Variants in XKR9 observed in about 807,000 individuals in gnomAD.
XKR9 encodes XK-related protein 9.
A neutral mutation model predicts 32.0 loss-of-function variants in XKR9; 32 were observed. The ratio of observed to expected loss-of-function variants is 1.00; its 90% CI spans 0.76 to 1.34. The LOEUF is 1.34. XKR9 is among the 40% of genes most tolerant of loss of function. The probability of loss-of-function intolerance (pLI) is 0.00; values close to 1 mark genes in which losing one functional copy is unlikely to be tolerated. For synonymous variants in XKR9, 168 were observed against 143.4 expected (o/e 1.17, Z -1.22); for missense variants, 546 against 429.7 (o/e 1.27, Z -2.39).
chr8:70,756,713 G>T (rs751885874), intron 2 of XKR9, among the ~76,000 whole-genome samples: 1 of 152,132 alleles, frequency 6.6e-6, no homozygotes, highest in Non-Finnish European at 1.5e-5. Context: ...TAATCTTGAA[G>T]TCTTGCTGAA....
chr8:70,936,973 G>C, the XKR9 span, among the ~76,000 whole-genome samples: 2 of 151,938 alleles, frequency 1.3e-5, no homozygotes, highest in African/African-American at 4.8e-5. Context: ...CAGAGGAATA[G>C]AAATGGGACA....
chr8:70,955,802 C>T, the XKR9 span, among the ~76,000 whole-genome samples: 1 of 152,266 alleles, frequency 6.6e-6, no homozygotes, highest in Non-Finnish European at 1.5e-5. Context: ...GGTCTGGCTA[C>T]TGTGCACAGA....
At chr8:70,843,965 G>A in the XKR9 span, among the ~76,000 whole-genome samples, 1 of 152,214 alleles carries the variant, frequency 6.6e-6, no homozygotes, top group Non-Finnish European at 1.5e-5. Context: ...TTCACCTGGA[G>A]GACTGCGGAA....
At chr8:71,010,911 A>G in the XKR9 span, among the ~76,000 whole-genome samples, 1 of 152,184 alleles carries the variant, frequency 6.6e-6, no homozygotes, top group Non-Finnish European at 1.5e-5. Context: ...TCCTAGGGCG[A>G]TTCCAGGGGA....
At chr8:71,027,817 GGCA>G in the XKR9 span, among the ~76,000 whole-genome samples, 1 of 151,458 alleles carries the variant, frequency 6.6e-6, no homozygotes, top group Non-Finnish European at 1.5e-5. Flanking sequence ...CAGGCTGGAG[GGCA>G]GTGGTGTGAT....
the XKR9 span, among the ~76,000 whole-genome samples, chr8:70,955,390 C>T: frequency 1.3e-5 from 2 of 152,102 alleles, no homozygotes; most frequent in Non-Finnish European, 2.9e-5. Context: ...TGAGAAATGT[C>T]ATGATTTTTA....
chr8:70,767,496 C>CTTTTCTTTTTTT (rs1807394169), intron 2 of XKR9, among the ~76,000 whole-genome samples: 1 of 99,350 alleles, frequency 1.0e-5, no homozygotes, highest in Non-Finnish European at 1.9e-5. Flanking sequence ...TCTTTTCCTT[C>CTTTTCTTTTTTT]TTTTTTTTTT....
the XKR9 span, among the ~76,000 whole-genome samples, chr8:70,897,442 T>A: frequency 3.9e-5 from 6 of 152,200 alleles, no homozygotes; most frequent in Admixed American, 3.3e-4. Context: ...TTTTTAGTTT[T>A]TTGAGAAACC....
At chr8:70,854,561 A>C in the XKR9 span, among the ~76,000 whole-genome samples, 8 of 151,984 alleles carry the variant, frequency 5.3e-5, no homozygotes, top group East Asian at 3.8e-4. Context: ...CTTTTGTTGC[A>C]ATTGCTTTCG....
chr8:71,053,559 G>T, the XKR9 span, among the ~76,000 whole-genome samples: 2 of 152,220 alleles, frequency 1.3e-5, no homozygotes, highest in African/African-American at 4.8e-5. Context: ...ACATGTAAAA[G>T]AAGTCTGGGG....
At chr8:70,782,174 A>T (rs111313266) in intron 2 of XKR9, among the ~76,000 whole-genome samples, 6,288 of 151,882 alleles carry the variant, frequency 0.041, 187 homozygotes, top group South Asian at 0.092. Flanking sequence ...GCTATCTTAG[A>T]CTCTTTGAAA....
the XKR9 span, among the ~76,000 whole-genome samples, chr8:70,927,541 A>C: frequency 1.3e-5 from 2 of 152,278 alleles, no homozygotes; most frequent in East Asian, 3.9e-4. Flanking sequence ...TCTCTTTCCA[A>C]GATGGCGTCT....
the XKR9 span, among the ~76,000 whole-genome samples, chr8:70,956,138 A>G: frequency 6.6e-6 from 1 of 151,490 alleles, no homozygotes; most frequent in Admixed American, 6.6e-5. Flanking sequence ...TTGCGTTACA[A>G]CTCTTTCAGT....
At chr8:70,978,730 G>A in the XKR9 span, among the ~76,000 whole-genome samples, 1 of 152,044 alleles carries the variant, frequency 6.6e-6, no homozygotes, top group East Asian at 1.9e-4. Context: ...TGCTCTTCTG[G>A]AGGAGTATCT....
chr8:70,818,487 C>G, the XKR9 span, among the ~76,000 whole-genome samples: 1 of 152,108 alleles, frequency 6.6e-6, no homozygotes, highest in Non-Finnish European at 1.5e-5. Context: ...TATAATATAA[C>G]TAACACTTAA....
At position 70,730,059 on chromosome 8, in the gene XKR9, A is replaced by T. The variant is rs889805128; in HGVS notation, c.494-3737A>T. ...CGAGGTGGTAACTTGAAAAAAATAT[A>T]TTTTTTAAGGCAAAACCCTTTACTC... On this transcript the variant is annotated intron_variant, in intron 4 of 4. Transcript: ENST00000408926. 3.3e-5 allele frequency among the ~76,000 whole-genome samples: 5 copies of T among 152,142 alleles called. 1 individual carries two copies. The highest frequency in any genetic ancestry group is 4.8e-5 in the African/African-American group (2 of 41,432).
the XKR9 span, among the ~76,000 whole-genome samples, chr8:70,860,391 A>G: frequency 1.3e-5 from 2 of 152,136 alleles, no homozygotes; most frequent in Non-Finnish European, 2.9e-5. Context: ...GCAAAACCTG[A>G]CCAACTATGA....
chr8:70,855,062 G>C, the XKR9 span, among the ~76,000 whole-genome samples: 4 of 152,106 alleles, frequency 2.6e-5, no homozygotes, highest in East Asian at 7.7e-4. Context: ...TGTGAAGAAA[G>C]TCATTGGTAG....
chr8:71,050,276 T>TATAG, the XKR9 span, among the ~76,000 whole-genome samples: 1 of 59,878 alleles, frequency 1.7e-5, no homozygotes, highest in African/African-American at 6.0e-5. Context: ...GATAGATAGA[T>TATAG]ATAGATATAG....
Sources: gnomAD v4.1 joint callset for allele counts (sites outside exome capture counted in the v4.1 genomes callset) on GRCh38, gnomAD v4.1.1 for gene constraint, MANE v1.5 for transcripts, NCBI Gene and HGNC (gene_info 2026-07-23, HGNC 2026-07-21) for gene names.